The following BRCA1 variants were observed in gnomAD, a reference collection of about 807,000 sequenced individuals.
BRCA1 encodes the protein breast cancer type 1 susceptibility protein.
BRCA1 carries 140 observed loss-of-function variants against 173.7 expected under a neutral mutation model. The ratio of observed to expected loss-of-function variants is 0.81; its 90% CI spans 0.70 to 0.93. The LOEUF (loss-of-function observed/expected upper bound fraction) is 0.93, where lower values mean the gene tolerates loss of function less well. BRCA1 is among the 40% of genes least tolerant of loss of function. The probability of loss-of-function intolerance (pLI) is 0.00; values close to 1 mark genes in which losing one functional copy is unlikely to be tolerated. For synonymous variants in BRCA1, 662 were observed against 756.0 expected (o/e 0.88, Z 2.04); for missense variants, 1,983 against 2,172.5 (o/e 0.91, Z 1.73).
At chr17:43,078,753 T>C (rs1173771123) in intron 12 of BRCA1, among the ~76,000 whole-genome samples, 2 of 152,190 alleles carry the variant, frequency 1.3e-5, no homozygotes, top group Non-Finnish European at 2.9e-5. Flanking sequence ...ACCTGTGAGT[T>C]TCTAGGATTG....
chr17:43,127,373 A>G (rs1457610910), upstream of BRCA1, among the ~76,000 whole-genome samples: 2 of 151,562 alleles, frequency 1.3e-5, no homozygotes, highest in African/African-American at 4.9e-5. Context: ...AGCACTCTGT[A>G]TCTAGCTAAT....
At chr17:43,078,709 T>G (rs560931801) in intron 12 of BRCA1, among the ~76,000 whole-genome samples, 21 of 152,290 alleles carry the variant, frequency 1.4e-4, no homozygotes, top group African/African-American at 4.3e-4. Flanking sequence ...TCAAATGCAT[T>G]ATTTATAGTT....
Position 43,140,579 on chromosome 17 carries a change from T to G in BRCA1, c.-19-16464A>C, listed in dbSNP as rs574577252. 3.9e-5 allele frequency among the ~76,000 whole-genome samples: 6 copies of G among 152,268 alleles called. No individual in the cohort carries two copies. In the South Asian group the frequency reaches 1.2e-3, roughly 32 times the overall value. ...AAGGCCTTTCCTTCCTCTTTTCTGC[T>G]CAGAAAACTTTTCTTCCACTTCCCT... On this transcript the variant is annotated intron_variant, in intron 1 of 7. Transcript: ENST00000634433.
At chr17:43,156,676 T>C (rs185318098) in intron 1 of BRCA1, among the ~76,000 whole-genome samples, 51 of 152,246 alleles carry the variant, frequency 3.3e-4, no homozygotes, top group African/African-American at 1.1e-3. Flanking sequence ...TCAAAGAAAT[T>C]CTCCGTAAAA....
chr17:43,104,784 C>G (rs2154551100), intron 5 of BRCA1, 84 bp downstream of exon 5: 1 of 1,237,992 alleles, frequency 8.1e-7, no homozygotes, highest in East Asian at 2.3e-5. Flanking sequence ...GTCTTATCAC[C>G]ACGTCATAGA....
intron 1 of BRCA1, among the ~76,000 whole-genome samples, chr17:43,133,656 A>C (rs1324551741): frequency 3.0e-5 from 4 of 133,616 alleles, no homozygotes; most frequent in Non-Finnish European, 6.3e-5. Context: ...TTTTTTTGAG[A>C]CAGGATCTCA....
At position 43,045,028 on chromosome 17, in the gene BRCA1, T is replaced by C. The variant is rs530117586; in HGVS notation, c.*650A>G. The C allele has an allele frequency of 7.9e-5, 40 of 504,656 alleles. No individual in the cohort carries two copies. The highest frequency in any genetic ancestry group is 6.3e-4 in the African/African-American group (33 of 52,230). The allele number at this position is 504,656 out of a possible 1,614,324, so 31.3% of individuals were successfully genotyped here. The stretch of plus-strand genomic sequence containing the variant: ...CATGTTGGCCAGGCTGGTTTCGAAC[T>C]CCTGACCTCCAGTGATCTGCCCACC... On this transcript the variant is annotated 3_prime_UTR_variant, in exon 23 of 23. Coordinates refer to ENST00000357654, the MANE Select transcript of BRCA1 (RefSeq NM_007294.4).
intron 2 of BRCA1, among the ~76,000 whole-genome samples, chr17:43,118,449 T>A (rs1270520055): frequency 4.0e-5 from 6 of 151,852 alleles, no homozygotes; most frequent in Admixed American, 3.9e-4. Context: ...CCATCTCGGC[T>A]CTCTGTAACC....
rs80356854 is a variant in BRCA1 at position 43,057,052 on chromosome 17, C to A, written c.5277G>T (p.Lys1759Asn). 1 of 1,613,962 alleles carries A rather than the reference C, an allele frequency of 6.2e-7. No individual in the cohort carries two copies. Among genetic ancestry groups the A allele is most frequent in the Non-Finnish European group, 8.5e-7 (1 of 1,179,892 alleles). The change falls in exon 19 of 23, where the codon AAG becomes AAT. Residue 1759 changes from lysine (K) to asparagine (N), a missense_variant and splice_region_variant. Transcript: ENST00000357654. ...GTCAACTTGAGGGAGGGAGCTTTAC[C>A]TTTCTGTCCTGGGATTCTCTTGCTC... Reference protein sequence around the residue: ...PKRARESQDRKIFRGLEICCY... With the variant: ...PKRARESQDRNIFRGLEICCY...
At chr17:43,148,461 C>T (rs1365612828) in intron 1 of BRCA1, 1 of 152,230 alleles carries the variant, frequency 6.6e-6, no homozygotes, top group Non-Finnish European at 1.5e-5. Flanking sequence ...GGAAAAATTA[C>T]AGTTAACGTG....
intron 1 of BRCA1, among the ~76,000 whole-genome samples, chr17:43,141,634 G>A (rs1232416193): frequency 2.0e-5 from 3 of 151,834 alleles, no homozygotes; most frequent in Middle Eastern, 6.8e-3. Context: ...TTAACATGGT[G>A]AAACCCCATC....
In BRCA1 at chr17:43,074,485, C is replaced by T. The variant is rs1435385135; in HGVS notation, c.4521G>A (p.Arg1507=). The T allele has an allele frequency of 1.9e-6, 3 of 1,614,078 alleles. No individual in the cohort carries two copies. Among genetic ancestry groups the T allele is most frequent in the East Asian group, 4.5e-5 (2 of 44,882 alleles). Residue 1507 remains arginine (R), a synonymous_variant, in exon 14 of 23, where the codon AGG becomes AGA. Transcript: ENST00000357654. The part of the protein sequence containing the change: ...SPSKCPSLDD[R]WYMHSCSGSL... ...TCCCAGAGCAACTGTGCATGTACCA[C>T]CTATCATCTAATGATGGGCATTTAG...
At chr17:43,104,082 A>G in intron 6 of BRCA1, 40 bp downstream of exon 6, 1 of 707,936 alleles carries the variant, frequency 1.4e-6, no homozygotes, top group Non-Finnish European at 1.9e-6. Context: ...AAAAAAAAAG[A>G]AAAGAAGAAG....
At chr17:43,131,489 C>G (rs1309196739) in intron 1 of BRCA1, among the ~76,000 whole-genome samples, 1 of 152,096 alleles carries the variant, frequency 6.6e-6, no homozygotes, top group Non-Finnish European at 1.5e-5. Flanking sequence ...ACAGTAGGGA[C>G]AGAAAACTGC....
chr17:43,160,482 G>C (rs113930849), intron 1 of BRCA1: 1 of 152,104 alleles, frequency 6.6e-6, no homozygotes. Context: ...GCACGCACCA[G>C]TAATTAGATT....
At chr17:43,168,644 A>C (rs147336599) in intron 1 of BRCA1, among the ~76,000 whole-genome samples, 5 of 152,368 alleles carry the variant, frequency 3.3e-5, no homozygotes, top group Non-Finnish European at 7.3e-5. Context: ...CGTCTCAAAA[A>C]TAAATAAAAT....
At chr17:43,105,778 A>G (rs566244754) in intron 4 of BRCA1, among the ~76,000 whole-genome samples, 7 of 152,182 alleles carry the variant, frequency 4.6e-5, no homozygotes, top group African/African-American at 1.7e-4. Context: ...CAAAATTACT[A>G]CTCTCATAGA....
intron 6 of BRCA1, among the ~76,000 whole-genome samples, chr17:43,100,595 T>TAACA (rs1491092005): frequency 1.1e-4 from 7 of 61,992 alleles, no homozygotes; most frequent in Admixed American, 3.8e-4. Flanking sequence ...CATATATATA[T>TAACA]TATATATATA....
Position 43,094,329 on chromosome 17 carries a change from C to T in BRCA1, c.1202G>A (p.Gly401Glu), listed in dbSNP as rs397507184. The change falls in exon 10 of 23, where the codon GGG becomes GAG. Residue 401 changes from glycine (G) to glutamate (E), a missense_variant. Coordinates refer to ENST00000357654, the MANE Select transcript of BRCA1 (RefSeq NM_007294.4). ...TACTTTGGCATTTGATTCAGACTCC[C>T]CATCATGTGAGTCATCAGAACCTAA... Reference protein sequence around the residue: ...ELLGSDDSHDGESESNAKVAD... With the variant: ...ELLGSDDSHDEESESNAKVAD... The T allele has an allele frequency of 6.2e-6, 10 of 1,614,126 alleles. No individual in the cohort carries two copies. The East Asian group carries it at 2.2e-4, about 36-fold the overall frequency.
Sources: gnomAD v4.1 joint callset for allele counts (sites outside exome capture counted in the v4.1 genomes callset) on GRCh38, gnomAD v4.1.1 for gene constraint, MANE v1.5 for transcripts, NCBI Gene and HGNC (gene_info 2026-07-23, HGNC 2026-07-21) for gene names.